PICALM: variants seen among roughly 807,000 people sequenced by gnomAD.
PICALM encodes the protein phosphatidylinositol-binding clathrin assembly protein.
Under a neutral mutation model 80.5 loss-of-function variants are expected in PICALM, and 40 were observed. The observed-to-expected ratio is 0.50, with a 90% CI of 0.39 to 0.65. The LOEUF is 0.65. Among genes scored for constraint, PICALM ranks in the 30% least tolerant of loss-of-function variants. The probability of loss-of-function intolerance (pLI) is 0.00; values close to 1 mark genes in which losing one functional copy is unlikely to be tolerated. For synonymous variants in PICALM, 288 were observed against 260.3 expected (o/e 1.11, Z -1.02); for missense variants, 676 against 778.9 (o/e 0.87, Z 1.57).
chr11:86,013,257 A>G (rs2095428811), intron 5 of PICALM, among the ~76,000 whole-genome samples: 2 of 152,072 alleles, frequency 1.3e-5, no homozygotes, highest in Non-Finnish European at 1.5e-5. Flanking sequence ...GGAGGCTGCA[A>G]TGAGCTATGA....
chr11:85,980,972 T>A (rs950584078), intron 17 of PICALM, among the ~76,000 whole-genome samples, 157 bp downstream of exon 17: 1 of 152,228 alleles, frequency 6.6e-6, no homozygotes, highest in African/African-American at 2.4e-5. Context: ...CTGGTAAATA[T>A]AGGCAACCAG....
At chr11:86,040,920 G>C (rs1015144944) in intron 1 of PICALM, among the ~76,000 whole-genome samples, 4 of 152,120 alleles carry the variant, frequency 2.6e-5, no homozygotes, top group Non-Finnish European at 5.9e-5. Context: ...GAGGTCTTTG[G>C]GGGTAAAGAT....
At chr11:86,064,390 TGA>T (rs2096412993) in intron 1 of PICALM, among the ~76,000 whole-genome samples, 1 of 152,182 alleles carries the variant, frequency 6.6e-6, no homozygotes, top group African/African-American at 2.4e-5. Context: ...CAGGATATGG[TGA>T]CTCACACCTA....
chr11:85,986,525 G>T (rs2135812760), intron 13 of PICALM, among the ~76,000 whole-genome samples: 1 of 150,994 alleles, frequency 6.6e-6, no homozygotes, highest in East Asian at 1.9e-4. Context: ...CGAGTAGCTG[G>T]GACTACAGGC....
At chr11:85,997,766 C>G in intron 11 of PICALM, among the ~76,000 whole-genome samples, 1 of 150,678 alleles carries the variant, frequency 6.6e-6, no homozygotes, top group Non-Finnish European at 1.5e-5. Flanking sequence ...CCACTGTGCT[C>G]AGCCTCTTTT....
In PICALM at chr11:86,026,899, G is replaced by A. The variant is rs551025590; in HGVS notation, c.274-532C>T. On this transcript the variant is annotated intron_variant, in intron 2 of 19. Transcript: ENST00000393346. ...CTCCCTTCCCTCCCTCTTCAGAGGTGAGTACTTTTCTGAAACAGGTATACG... is the reference window on the plus strand; with the variant it reads ...CTCCCTTCCCTCCCTCTTCAGAGGTAAGTACTTTTCTGAAACAGGTATACG... Among the ~76,000 whole-genome samples the A allele has an allele frequency of 2.6e-5, 4 of 152,268 alleles. No individual in the cohort carries two copies. In the South Asian group the frequency reaches 8.3e-4, roughly 32 times the overall value.
Position 86,009,292 on chromosome 11 carries a change from CAAAAAAAAAA to C in PICALM, c.766-1719_766-1710del, listed in dbSNP as rs10557244. On this transcript the variant is annotated intron_variant, in intron 7 of 19. Transcript: ENST00000393346. Reference sequence around the variant, plus strand: ...TGGGTGACACAGCAAGTCTCTGTCTCAAAAAAAAAAAAAAAAAAAAAAAAAAAAAAAGTCA... The same window carrying C: ...TGGGTGACACAGCAAGTCTCTGTCTCAAAAAAAAAAAAAAAAAAAAAGTCA... Among the ~76,000 whole-genome samples, 71 of 41,636 alleles carry C rather than the reference CAAAAAAAAAA, an allele frequency of 1.7e-3. 1 individual carries two copies. The highest frequency in any genetic ancestry group is 4.3e-3 in the South Asian group (3 of 700). 27.3% of individuals were successfully genotyped at this position (41,636 alleles called of 152,430 possible). A position where few individuals can be genotyped will look rare whatever the true frequency, so the allele number is the denominator to read the frequency against.
At chr11:85,993,103 T>A (rs560862) in intron 12 of PICALM, among the ~76,000 whole-genome samples, 4,762 of 151,660 alleles carry the variant, frequency 0.031, 260 homozygotes, top group African/African-American at 0.11. Context: ...TTTTTTTTTT[T>A]AAATAAGAGT....
chr11:86,019,326 C>G (rs1192078903), intron 4 of PICALM, among the ~76,000 whole-genome samples: 1 of 152,038 alleles, frequency 6.6e-6, no homozygotes, highest in Non-Finnish European at 1.5e-5. Flanking sequence ...TATAATGCCA[C>G]TTTTGCACTT....
chr11:86,045,519 CAA>C (rs71040207), intron 1 of PICALM, among the ~76,000 whole-genome samples: 49 of 47,800 alleles, frequency 1.0e-3, no homozygotes, highest in African/African-American at 2.5e-3. Flanking sequence ...TCTTGAAATT[CAA>C]AAAAAAAAAA....
intron 1 of PICALM, among the ~76,000 whole-genome samples, chr11:86,057,222 AT>A (rs1485727918): frequency 6.6e-6 from 1 of 151,906 alleles, no homozygotes; most frequent in African/African-American, 2.4e-5. Context: ...GGGAAAAAAA[AT>A]AAATAATTGC....
At chr11:85,959,138 T>A (rs2093602074) in intron 19 of PICALM, 78 bp from the exon 20 acceptor site, 1 of 1,020,930 alleles carries the variant, frequency 9.8e-7, no homozygotes, top group African/African-American at 1.6e-5. Flanking sequence ...TTGTGGTCTT[T>A]ACCATTTAAC....
chr11:86,057,225 A>T (rs1326879019), intron 1 of PICALM, among the ~76,000 whole-genome samples: 1 of 151,902 alleles, frequency 6.6e-6, no homozygotes, highest in Admixed American at 6.6e-5. Flanking sequence ...AAAAAAAATA[A>T]ATAATTGCAA....
Position 86,069,057 on chromosome 11 carries a change from G to C in PICALM, c.-277C>G, listed in dbSNP as rs111541499. The C allele has an allele frequency of 2.7e-5, 11 of 403,054 alleles. No homozygotes were observed. Among genetic ancestry groups the C allele is most frequent in the African/African-American group, 2.3e-4 (11 of 48,496 alleles). 25.0% of individuals were successfully genotyped at this position (403,054 alleles called of 1,614,324 possible). ...GGTCAGCTGGAGCCGGGCAGGGTAA[G>C]AGGAACAGGCAGCTGCAGGAAAATG... On this transcript the variant is annotated 5_prime_UTR_variant, in exon 1 of 20. Coordinates refer to ENST00000393346, the MANE Select transcript of PICALM (RefSeq NM_007166.4).
intron 2 of PICALM, among the ~76,000 whole-genome samples, chr11:86,027,678 C>T (rs2095671245): frequency 6.6e-6 from 1 of 151,934 alleles, no homozygotes; most frequent in Non-Finnish European, 1.5e-5. Context: ...GCATGTCCAG[C>T]TCACATTTTT....
At chr11:85,974,242 T>C (rs17817648) in intron 19 of PICALM, among the ~76,000 whole-genome samples, 15,452 of 152,188 alleles carry the variant, frequency 0.1, 956 homozygotes, top group Admixed American at 0.14. Context: ...CAATCCTCAG[T>C]GGCAGAAAGT....
chr11:86,063,948 C>T (rs1373485494), intron 1 of PICALM, among the ~76,000 whole-genome samples: 1 of 152,008 alleles, frequency 6.6e-6, no homozygotes, highest in Non-Finnish European at 1.5e-5. Flanking sequence ...TACTTTATTT[C>T]TTCCTTACAT....
At chr11:85,981,594 G>A (rs1379246821) in intron 16 of PICALM, 151 bp downstream of exon 16, 80 of 637,112 alleles carry the variant, frequency 1.3e-4, no homozygotes, top group South Asian at 1.2e-3. Flanking sequence ...GCAACAGAGC[G>A]AGACTCCGTG....
At chr11:85,971,735 CAAAAA>C (rs552000109) in intron 19 of PICALM, among the ~76,000 whole-genome samples, 1 of 132,810 alleles carries the variant, frequency 7.5e-6, no homozygotes, top group African/African-American at 2.8e-5. Flanking sequence ...GACCCTGTCT[CAAAAA>C]AAAAAAACAA....
Sources: allele counts gnomAD v4.1 joint callset (sites outside exome capture counted in the v4.1 genomes callset), GRCh38; gene constraint gnomAD v4.1.1; transcripts MANE v1.5; gene names NCBI Gene and HGNC (gene_info 2026-07-23, HGNC 2026-07-21).